SLC27A4: variants seen among roughly 807,000 people sequenced by gnomAD.
SLC27A4 encodes solute carrier family 27 member 4.
A neutral mutation model predicts 64.4 loss-of-function variants in SLC27A4; 33 were observed. The ratio of observed to expected loss-of-function variants is 0.51; its 90% CI spans 0.39 to 0.68. The LOEUF is 0.68. Among genes scored for constraint, SLC27A4 ranks in the 30% least tolerant of loss-of-function variants. The probability of loss-of-function intolerance (pLI) is 0.00; values close to 1 mark genes in which losing one functional copy is unlikely to be tolerated. For synonymous variants in SLC27A4, 377 were observed against 370.0 expected, an observed-to-expected ratio of 1.02 and a Z score of -0.22; for missense variants, 824 against 883.5, an observed-to-expected ratio of 0.93 and a Z score of 0.85.
chr9:128,349,024 G>A lies in SLC27A4; in HGVS notation c.715+321G>A, dbSNP rs571211709. The stretch of plus-strand genomic sequence containing the variant: ...TCCTGTGGACTCCGGGAACCTGCCT[G>A]GTCTGGGCTTTGGTTGGGGTTGGGT... On this transcript the variant is annotated intron_variant, in intron 4 of 12. Coordinates refer to ENST00000300456, the MANE Select transcript of SLC27A4 (RefSeq NM_005094.4). 1.5e-4 allele frequency among the ~76,000 whole-genome samples: 21 copies of A among 144,362 alleles called. No individual in the cohort carries two copies. In the South Asian group the frequency reaches 4.7e-3, roughly 32 times the overall value. The allele number at this position is 144,362 out of a possible 152,430, so 94.7% of individuals were successfully genotyped here. A position where few individuals can be genotyped will look rare whatever the true frequency, so the allele number is the denominator to read the frequency against.
chr9:128,353,400 T>A lies in SLC27A4; in HGVS notation c.1198-15T>A. ...CATGGTGAGAGAGCCCAGGCCCAAG[T>A]CTTGGCCTTCGCAGGTGGGGGCCTG... is the stretch of plus-strand genomic sequence containing the variant. On this transcript the variant is annotated splice_polypyrimidine_tract_variant and intron_variant, in intron 8 of 12. Coordinates refer to ENST00000300456, the MANE Select transcript of SLC27A4 (RefSeq NM_005094.4). The surrounding 1 kb of genome is among the most constrained non-coding windows in gnomAD (Gnocchi z 4.9). The A allele has an allele frequency of 6.2e-7, 1 of 1,614,170 alleles. No individual in the cohort carries two copies. Among genetic ancestry groups the A allele is most frequent in the African/African-American group, 1.3e-5 (1 of 75,032 alleles).
In SLC27A4 at chr9:128,352,662, G is replaced by C; in HGVS notation, c.902G>C (p.Cys301Ser). ...SAGNIVGIGQ[C>S]LLHGMTVVIR... ...GGAAACATCGTGGGAATCGGCCAGT[G>C]CCTGCTGCATGGCATGACGGTGGTG... is the stretch of plus-strand genomic sequence containing the variant. Residue 301 changes from cysteine (C) to serine (S), a missense_variant, in exon 7 of 13, where the codon TGC (cysteine) becomes TCC (serine). Transcript: ENST00000300456. 6.2e-7 allele frequency: 1 copy of C among 1,614,172 alleles called. No individual in the cohort carries two copies. Among genetic ancestry groups the C allele is most frequent in the Non-Finnish European group, 8.5e-7 (1 of 1,179,994 alleles).
chr9:128,359,268 C>T (rs902869387), intron 12 of SLC27A4, among the ~76,000 whole-genome samples: 6 of 152,092 alleles, frequency 3.9e-5, no homozygotes, highest in Admixed American at 2.0e-4. Flanking sequence ...GCAGGTAGCT[C>T]GCTTGAGCCC....
chr9:128,345,613 C>T lies in SLC27A4; in HGVS notation c.556+64C>T. On this transcript the variant is annotated intron_variant, in intron 3 of 12. Coordinates refer to ENST00000300456, the MANE Select transcript of SLC27A4 (RefSeq NM_005094.4). This position sits in a 1 kb window ranked among gnomAD's most constrained non-coding sequence, Gnocchi z 4.1. Reference sequence around the variant, plus strand: ...TGGGATCTTACACAGACCACAGCTCCCTTCCAGCCCTGCCAAGGCTGTGTG... The same window carrying T: ...TGGGATCTTACACAGACCACAGCTCTCTTCCAGCCCTGCCAAGGCTGTGTG... The T allele has an allele frequency of 6.7e-7, 1 of 1,498,860 alleles. No individual in the cohort carries two copies. Among genetic ancestry groups the T allele is most frequent in the Non-Finnish European group, 8.9e-7 (1 of 1,125,340 alleles). The allele number at this position is 1,498,860 out of a possible 1,614,324, so 92.8% of individuals were successfully genotyped here.
chr9:128,359,432 T>C (rs1832867440), intron 12 of SLC27A4, among the ~76,000 whole-genome samples: 1 of 152,180 alleles, frequency 6.6e-6, no homozygotes, highest in Admixed American at 6.5e-5. Context: ...GAGACCAGCC[T>C]GACCAACATG....
intron 4 of SLC27A4, 29 bp from the exon 5 acceptor site, chr9:128,350,283 C>T (rs376954128): frequency 1.3e-5 from 21 of 1,606,632 alleles, no homozygotes; most frequent in African/African-American, 4.0e-5. Context: ...GAGCTGCCCC[C>T]GACAGCCACT....
Position 128,353,933 on chromosome 9 carries a change from C to T in SLC27A4, c.1324+392C>T, listed in dbSNP as rs1295232764. On this transcript the variant is annotated intron_variant, in intron 9 of 12. Transcript: ENST00000300456. This position sits in a 1 kb window ranked among gnomAD's most constrained non-coding sequence, Gnocchi z 4.9. ...TAATTTTTTGTATTTTTAGTAGAGA[C>T]GGGGTTTCACCGTTTTAGCCGGGAT... Among the ~76,000 whole-genome samples, 3 of 150,242 alleles carry T rather than the reference C, an allele frequency of 2.0e-5. No individual in the cohort carries two copies. The highest frequency in any genetic ancestry group is 4.4e-5 in the Non-Finnish European group (3 of 67,830).
rs1340890793 is a variant in SLC27A4, at chr9:128,345,842, A to G, written c.556+293A>G. 6.6e-6 allele frequency among the ~76,000 whole-genome samples: 1 copy of G among 152,216 alleles called. No individual in the cohort carries two copies. The highest frequency in any genetic ancestry group is 1.5e-5 in the Non-Finnish European group (1 of 68,032). ...CAGCATGTTGGGAGGCCAAGGCAGG[A>G]GGATCCCTTGAGCCCAGGAGTTTGA... On this transcript the variant is annotated intron_variant, in intron 3 of 12. Transcript: ENST00000300456. This position sits in a 1 kb window ranked among gnomAD's most constrained non-coding sequence, Gnocchi z 4.1.
In SLC27A4 at chr9:128,345,230, G is replaced by C. The variant is rs755778940; in HGVS notation, c.237G>C (p.Leu79Phe). Residue 79 changes from leucine (L) to phenylalanine (F), a missense_variant, in exon 3 of 13, where the codon TTG (leucine) becomes TTC (phenylalanine). By Grantham distance (22) the Leu-to-Phe change is conservative. Transcript: ENST00000300456. The surrounding 1 kb of genome is among the most constrained non-coding windows in gnomAD (Gnocchi z 4.1). ...CLQERRTVPI[L>F]FASTVRRHPD... is the part of the protein sequence containing the mutation. ...AGGAGCGGCGGACAGTGCCCATTTT[G>C]TTTGCCTCTACCGTTCGGCGCCACC... 54 of 1,613,708 alleles carry C rather than the reference G, an allele frequency of 3.3e-5. No individual in the cohort carries two copies. Among genetic ancestry groups the C allele is most frequent in the Non-Finnish European group, 4.2e-5 (50 of 1,180,028 alleles).
intron 1 of SLC27A4, among the ~76,000 whole-genome samples, chr9:128,341,866 G>A (rs1365832458): frequency 2.6e-5 from 4 of 152,206 alleles, no homozygotes; most frequent in Non-Finnish European, 5.9e-5. Flanking sequence ...AGCCTCCTGA[G>A]TAGCTGGGGT....
chr9:128,357,617 C>G (rs1832839578), intron 12 of SLC27A4, among the ~76,000 whole-genome samples: 1 of 152,204 alleles, frequency 6.6e-6, no homozygotes, highest in African/African-American at 2.4e-5. Flanking sequence ...CAGTCGCCCA[C>G]AAGGCAGCAC....
rs753867000 is a variant in SLC27A4 at position 128,343,130 on chromosome 9, A to G, written c.-3A>G. On this transcript the variant is annotated 5_prime_UTR_variant, in exon 2 of 13. Transcript: ENST00000300456. The stretch of plus-strand genomic sequence containing the variant: ...ACTAACTGCCCTGTGTCCGCAGGCC[A>G]CAATGCTGCTTGGAGCCTCTCTGGT... 3 of 1,613,448 alleles carry G rather than the reference A, an allele frequency of 1.9e-6. No homozygotes were observed. In the South Asian group the frequency reaches 3.3e-5, roughly 18 times the overall value.
chr9:128,343,668 G>T (rs1832611974), intron 2 of SLC27A4, among the ~76,000 whole-genome samples: 1 of 152,204 alleles, frequency 6.6e-6, no homozygotes, highest in Admixed American at 6.5e-5. Context: ...GCAGGGGTGT[G>T]AGATGGCACA....
At chr9:128,356,092 G>A (rs953498198) in intron 12 of SLC27A4, among the ~76,000 whole-genome samples, 1 of 152,176 alleles carries the variant, frequency 6.6e-6, no homozygotes, top group African/African-American at 2.4e-5. Context: ...CTAGGACAAG[G>A]CATTCCAAAG....
rs568082938 is a variant in SLC27A4, at chr9:128,351,957, C to T, written c.878-681C>T. Among the ~76,000 whole-genome samples, 25 of 149,866 alleles carry T rather than the reference C, an allele frequency of 1.7e-4. 2 individuals carry two copies. In the South Asian group the frequency reaches 2.7e-3, roughly 16 times the overall value. ...ATCCCAACACTTTGGGAGGCCGAGG[C>T]GGGCGGATCACGAGGTCAGGAGATC... On this transcript the variant is annotated intron_variant, in intron 6 of 12. Coordinates refer to ENST00000300456, the MANE Select transcript of SLC27A4 (RefSeq NM_005094.4).
At position 128,340,923 on chromosome 9, in the gene SLC27A4, G is replaced by T. The variant is rs1007131332; in HGVS notation, c.-7+85G>T. On this transcript the variant is annotated intron_variant, in intron 1 of 12. Transcript: ENST00000300456. ...CGAGGTGGCGGTGCGGACCCCAGGT[G>T]GGGGGCGCGCCCTGCGGCGCTATTT... The T allele has an allele frequency of 1.1e-4, 52 of 494,980 alleles. No individual in the cohort carries two copies. The Middle Eastern group carries it at 1.6e-3, about 16-fold the overall frequency. 30.7% of individuals were successfully genotyped at this position (494,980 alleles called of 1,614,324 possible).
intron 2 of SLC27A4, among the ~76,000 whole-genome samples, chr9:128,344,262 G>T (rs1035015073): frequency 1.3e-5 from 2 of 152,118 alleles, no homozygotes; most frequent in African/African-American, 4.8e-5. Flanking sequence ...TCACACCTGT[G>T]ATCCTAGCAC....
chr9:128,351,599 C>T (rs1369133777), intron 6 of SLC27A4, among the ~76,000 whole-genome samples: 1 of 151,852 alleles, frequency 6.6e-6, no homozygotes, highest in African/African-American at 2.4e-5. Context: ...TGCCTGTAAT[C>T]CCAGCTACCC....
Position 128,348,603 on chromosome 9 carries a change from C to G in SLC27A4, c.615C>G (p.Ser205=). The change falls in exon 4 of 13, where the codon TCC becomes TCG. Residue 205 remains serine (S), a synonymous_variant. Coordinates refer to ENST00000300456, the MANE Select transcript of SLC27A4 (RefSeq NM_005094.4). ...DPSLSLFCSG[S]WEPGAVPPST... is the part of the protein sequence containing the mutation. ...CGCTCAGCCTCTTCTGCTCTGGCTC[C>G]TGGGAGCCCGGTGCGGTGCCTCCAA... The G allele has an allele frequency of 3.7e-6, 6 of 1,613,824 alleles. No individual in the cohort carries two copies. The highest frequency in any genetic ancestry group is 5.1e-6 in the Non-Finnish European group (6 of 1,180,018).
Sources: gnomAD v4.1 joint callset for allele counts (sites outside exome capture counted in the v4.1 genomes callset) on GRCh38, gnomAD v4.1.1 for gene constraint, Gnocchi (gnomAD v3.1) non-coding constraint, MANE v1.5 for transcripts, NCBI Gene and HGNC (gene_info 2026-07-23, HGNC 2026-07-21) for gene names.